The following MECOM variants were observed in gnomAD, a reference collection of about 807,000 sequenced individuals.
MECOM encodes MDS1 and EVI1 complex locus.
In MECOM, 13 loss-of-function variants were observed where a neutral mutation model predicts 116.3. That is an observed-to-expected ratio of 0.11 (90% CI 0.07 to 0.18). The LOEUF is 0.18. Ranked by LOEUF, MECOM falls within the 10% of genes least tolerant of loss-of-function variation. The pLI is 1.00. For missense variants in MECOM, 1,299 were observed against 1,509.0 expected (o/e 0.86, Z 2.31); for synonymous variants, 528 against 535.2 (o/e 0.99, Z 0.19).
intron 2 of MECOM, among the ~76,000 whole-genome samples, chr3:169,302,048 A>G (rs766474185): frequency 3.3e-5 from 5 of 152,214 alleles, no homozygotes; most frequent in Admixed American, 6.5e-5. Context: ...ATTGCTTTAA[A>G]ATGTTCCCTC....
intron 2 of MECOM, among the ~76,000 whole-genome samples, chr3:169,361,308 G>C (rs983705814): frequency 1.3e-5 from 2 of 151,826 alleles, no homozygotes; most frequent in Non-Finnish European, 2.9e-5. Context: ...TTTCAAATAT[G>C]TTAGGTCTAG....
At chr3:169,184,901 T>C (rs538543353) in intron 2 of MECOM, among the ~76,000 whole-genome samples, 1 of 152,294 alleles carries the variant, frequency 6.6e-6, no homozygotes, top group African/African-American at 2.4e-5. Context: ...TCAAGAAATA[T>C]TTCTGGAGTG....
chr3:169,523,544 T>C (rs951139053), intron 1 of MECOM, among the ~76,000 whole-genome samples: 4 of 152,052 alleles, frequency 2.6e-5, no homozygotes, highest in Admixed American at 6.5e-5. Flanking sequence ...ATGTGCTTAA[T>C]GAAAGAACAG....
chr3:169,260,098 T>C (rs893303229), intron 2 of MECOM, among the ~76,000 whole-genome samples: 8 of 152,232 alleles, frequency 5.3e-5, no homozygotes, highest in Non-Finnish European at 8.8e-5. Context: ...TGTTCATTAA[T>C]CTCTAATTTT....
chr3:169,457,863 C>T (rs192949896), intron 1 of MECOM, among the ~76,000 whole-genome samples: 13 of 152,222 alleles, frequency 8.5e-5, no homozygotes, highest in African/African-American at 2.6e-4. Context: ...AAAGCATACA[C>T]GAAAATGTGA....
intron 1 of MECOM, among the ~76,000 whole-genome samples, chr3:169,553,523 G>A (rs1449586931): frequency 6.6e-6 from 1 of 152,168 alleles, no homozygotes; most frequent in African/African-American, 2.4e-5. Flanking sequence ...ATTGTGGCAG[G>A]GACTGCTAGC....
At chr3:169,467,517 G>A (rs1223483183) in intron 1 of MECOM, among the ~76,000 whole-genome samples, 1 of 149,056 alleles carries the variant, frequency 6.7e-6, no homozygotes, top group South Asian at 2.2e-4. Flanking sequence ...CTATTTTATA[G>A]GTGAAGAAAT....
In MECOM at chr3:169,093,110, G is replaced by T; in HGVS notation, c.3020-8C>A. 1 of 1,583,580 alleles carries T rather than the reference G, an allele frequency of 6.3e-7. No homozygotes were observed. Among genetic ancestry groups the T allele is most frequent in the Non-Finnish European group, 8.6e-7 (1 of 1,168,560 alleles). On this transcript the variant is annotated splice_region_variant and splice_polypyrimidine_tract_variant and intron_variant, in intron 13 of 16. Coordinates refer to ENST00000651503, the MANE Select transcript of MECOM (RefSeq NM_004991.4). ...GCGACGATGTTGCTGTACCTGTGTGGAGCAGAAAGCCTTTTATGACAAAGA... is the reference window on the plus strand; with the variant it reads ...GCGACGATGTTGCTGTACCTGTGTGTAGCAGAAAGCCTTTTATGACAAAGA...
At chr3:169,411,970 G>A (rs967612155) in intron 1 of MECOM, among the ~76,000 whole-genome samples, 8 of 150,518 alleles carry the variant, frequency 5.3e-5, no homozygotes, top group South Asian at 4.2e-4. Context: ...CAGCCTGTGC[G>A]AAAGAGCAAG....
chr3:169,542,335 AAAG>A lies in MECOM; in HGVS notation c.37+120998_37+121000del, dbSNP rs1400896048. Among the ~76,000 whole-genome samples the A allele has an allele frequency of 9.9e-5, 15 of 151,166 alleles. No individual in the cohort carries two copies. In the East Asian group the frequency reaches 1.9e-3, roughly 19 times the overall value. On this transcript the variant is annotated intron_variant, in intron 1 of 16. Transcript: ENST00000651503. ...TTGTTTTGTCTTCTAGAAAAAAAAA[AAAG>A]AACAGACTTATTTTGAGCAATACGA...
At chr3:169,625,516 C>T (rs1042116637) in intron 1 of MECOM, among the ~76,000 whole-genome samples, 5 of 152,120 alleles carry the variant, frequency 3.3e-5, no homozygotes, top group African/African-American at 9.7e-5. Flanking sequence ...TATCAGCCAT[C>T]GGGCTGAAAC....
chr3:169,124,006 T>C (rs755944774), intron 5 of MECOM, among the ~76,000 whole-genome samples: 1 of 152,052 alleles, frequency 6.6e-6, no homozygotes, highest in Non-Finnish European at 1.5e-5. Context: ...GGTAAACAAA[T>C]AGGCTATGAA....
At position 169,520,810 on chromosome 3, in the gene MECOM, G is replaced by C. The variant is rs192954236; in HGVS notation, c.38-139286C>G. On this transcript the variant is annotated intron_variant, in intron 1 of 16. Coordinates refer to ENST00000651503, the MANE Select transcript of MECOM (RefSeq NM_004991.4). ...ATGGCTATGTGGAAAAGTGCTAAGA[G>C]TGTGTGACTTAGTGGCTCAGATGTG... 2.7e-3 allele frequency among the ~76,000 whole-genome samples: 405 copies of C among 152,250 alleles called. 7 individuals are homozygous for C. Among genetic ancestry groups the C allele is most frequent in the African/African-American group, 9.4e-3 (390 of 41,552 alleles).
intron 1 of MECOM, among the ~76,000 whole-genome samples, chr3:169,657,884 T>A (rs372862774): frequency 2.0e-4 from 31 of 152,208 alleles, no homozygotes; most frequent in African/African-American, 7.5e-4. Flanking sequence ...ACTTTTTTCA[T>A]TTCCTGGAGG....
At chr3:169,161,801 C>G (rs1299454828) in intron 2 of MECOM, among the ~76,000 whole-genome samples, 2 of 151,796 alleles carry the variant, frequency 1.3e-5, no homozygotes, top group Non-Finnish European at 2.9e-5. Context: ...CTCTCTCTCT[C>G]CCTGTCATTC....
chr3:169,464,414 T>A (rs762712159), intron 1 of MECOM, among the ~76,000 whole-genome samples: 2 of 152,026 alleles, frequency 1.3e-5, no homozygotes, highest in African/African-American at 2.4e-5. Context: ...CAAAACACTA[T>A]CCAAAAAATC....
intron 1 of MECOM, among the ~76,000 whole-genome samples, chr3:169,581,514 A>G (rs1765124309): frequency 6.6e-6 from 1 of 151,846 alleles, no homozygotes; most frequent in Non-Finnish European, 1.5e-5. Context: ...CTTCATTTTG[A>G]GATGTTATGT....
At chr3:169,660,618 G>A (rs1472534455) in intron 1 of MECOM, among the ~76,000 whole-genome samples, 2 of 151,704 alleles carry the variant, frequency 1.3e-5, no homozygotes, top group East Asian at 3.9e-4. Context: ...GTTTTCTCTT[G>A]CCACAATAAA....
chr3:169,434,776 G>A (rs1195924309), intron 1 of MECOM, among the ~76,000 whole-genome samples: 1 of 152,170 alleles, frequency 6.6e-6, no homozygotes, highest in African/African-American at 2.4e-5. Context: ...TAATGATAGT[G>A]TTAAATGTTT....
Sources: gnomAD v4.1 joint callset for allele counts (sites outside exome capture counted in the v4.1 genomes callset) on GRCh38, gnomAD v4.1.1 for gene constraint, MANE v1.5 for transcripts, NCBI Gene and HGNC (gene_info 2026-07-23, HGNC 2026-07-21) for gene names.